ZNF618: variants seen among roughly 807,000 people sequenced by gnomAD.
The protein encoded by ZNF618 is neural precursor cell expressed, developmentally down-regulated 10.
ZNF618 carries 34 observed loss-of-function variants against 103.0 expected under a neutral mutation model. The observed-to-expected ratio is 0.33, with a 90% confidence interval of 0.25 to 0.44. The LOEUF (loss-of-function observed/expected upper bound fraction) is 0.44, where lower values mean the gene tolerates loss of function less well. Ranked by LOEUF, ZNF618 falls within the 20% of genes least tolerant of loss-of-function variation. The pLI is 1.00. For synonymous variants in ZNF618, 551 were observed against 542.2 expected, an observed-to-expected ratio of 1.02 and a Z score of -0.23; for missense variants, 1,059 against 1,295.4, an observed-to-expected ratio of 0.82 and a Z score of 2.80.
intron 1 of ZNF618, among the ~76,000 whole-genome samples, chr9:113,951,447 A>ATGTGTGTGTG (rs1301306957): frequency 1.7e-4 from 11 of 65,946 alleles, no homozygotes; most frequent in African/African-American, 1.8e-4. Context: ...ATATACATAT[A>ATGTGTGTGTG]TGTGTATATA....
rs1243371318 is a variant in ZNF618 at position 114,032,629 on chromosome 9, C to T, written c.1085-16C>T. ...AATCACCATTGTTTTCTTTCTCTCT[C>T]CTGTCCCCCACCCAGCAGAAAGCGC... On this transcript the variant is annotated splice_polypyrimidine_tract_variant and intron_variant, in intron 11 of 14. Transcript: ENST00000374126. The T allele has an allele frequency of 3.5e-5, 57 of 1,613,064 alleles. No homozygotes were observed. The highest frequency in any genetic ancestry group is 4.3e-5 in the Non-Finnish European group (51 of 1,179,148).
Position 113,896,604 on chromosome 9 carries a change from C to T in ZNF618, c.33+20191C>T, listed in dbSNP as rs563504899. Among the ~76,000 whole-genome samples the T allele has an allele frequency of 6.4e-4, 98 of 151,938 alleles. 1 individual carries two copies. Among genetic ancestry groups the T allele is most frequent in the South Asian group, 6.4e-3 (31 of 4,810 alleles). ...GCTTGTATTCACACATTACATAAGCCACTTTTATATATCATTGACTTTATT... is the reference window on the plus strand; with the variant it reads ...GCTTGTATTCACACATTACATAAGCTACTTTTATATATCATTGACTTTATT... On this transcript the variant is annotated intron_variant, in intron 1 of 14. Coordinates refer to ENST00000374126, the MANE Select transcript of ZNF618 (RefSeq NM_001318042.2).
intron 1 of ZNF618, among the ~76,000 whole-genome samples, chr9:113,889,776 C>T (rs1022430749): frequency 6.6e-6 from 1 of 152,206 alleles, no homozygotes; most frequent in Non-Finnish European, 1.5e-5. Context: ...ACCCTTCAGA[C>T]GTCTGTCCTT....
intron 1 of ZNF618, among the ~76,000 whole-genome samples, chr9:113,907,641 G>T (rs1831105730): frequency 6.6e-6 from 1 of 152,310 alleles, no homozygotes; most frequent in Middle Eastern, 3.4e-3. Context: ...TTTCCAGAGG[G>T]TTGTCCAGGA....
chr9:113,973,436 A>G (rs1470193591), intron 2 of ZNF618, among the ~76,000 whole-genome samples: 1 of 152,162 alleles, frequency 6.6e-6, no homozygotes, highest in Non-Finnish European at 1.5e-5. Flanking sequence ...CCCCAAAATC[A>G]ACAGCATGGG....
In ZNF618 at chr9:113,904,772, G is replaced by T. The variant is rs139730366; in HGVS notation, c.33+28359G>T. Among the ~76,000 whole-genome samples, 474 of 152,250 alleles carry T rather than the reference G, an allele frequency of 3.1e-3. 2 individuals carry two copies. Among genetic ancestry groups the T allele is most frequent in the African/African-American group, 0.011 (450 of 41,524 alleles). The stretch of plus-strand genomic sequence containing the variant: ...GGCTACCTACACTCTTTGGCCCATG[G>T]CTTCTTCATCTTCAAAGCTAGCAAC... On this transcript the variant is annotated intron_variant, in intron 1 of 14. Transcript: ENST00000374126.
intron 1 of ZNF618, among the ~76,000 whole-genome samples, chr9:113,968,067 A>G (rs1207479226): frequency 6.6e-6 from 1 of 152,206 alleles, no homozygotes; most frequent in African/African-American, 2.4e-5. Flanking sequence ...TTCATCCGCA[A>G]TCCTGAAATT....
At chr9:113,999,339 A>T (rs1840950630) in intron 4 of ZNF618, among the ~76,000 whole-genome samples, 1 of 149,572 alleles carries the variant, frequency 6.7e-6, no homozygotes, top group African/African-American at 2.5e-5. Flanking sequence ...AGCGAGGGGC[A>T]GGTGGGGCCC....
At chr9:113,952,817 G>A (rs1835901055) in intron 1 of ZNF618, among the ~76,000 whole-genome samples, 1 of 152,194 alleles carries the variant, frequency 6.6e-6, no homozygotes, top group Non-Finnish European at 1.5e-5. Context: ...TTCCAGACTT[G>A]CCATGCAGTT....
intron 1 of ZNF618, among the ~76,000 whole-genome samples, chr9:113,889,354 C>CCTCCCTCCCTCCCTCA (rs1829402762): frequency 8.4e-6 from 1 of 119,056 alleles, no homozygotes; most frequent in Admixed American, 1.1e-4. Context: ...TCTTTCTCTC[C>CCTCCCTCCCTCCCTCA]CTCCCTCTCC....
intron 3 of ZNF618, among the ~76,000 whole-genome samples, chr9:113,989,530 G>T (rs969578849): frequency 6.6e-6 from 1 of 152,052 alleles, no homozygotes; most frequent in Non-Finnish European, 1.5e-5. Context: ...GCCTTGCCTG[G>T]TCTGGCTCCA....
intron 3 of ZNF618, among the ~76,000 whole-genome samples, chr9:113,993,616 G>A (rs1840283884): frequency 6.6e-6 from 1 of 152,148 alleles, no homozygotes. Context: ...GTTTACTAAT[G>A]AGGGAGTCCA....
intron 13 of ZNF618, among the ~76,000 whole-genome samples, chr9:114,039,583 T>C (rs1391845740): frequency 3.3e-5 from 5 of 152,132 alleles, no homozygotes; most frequent in Non-Finnish European, 7.3e-5. Context: ...ACTCCTGGCC[T>C]CAAGTGATCC....
rs73658314 is a variant in ZNF618, at chr9:114,023,067, T to C, written c.845-5666T>C. Among the ~76,000 whole-genome samples, 890 of 152,246 alleles carry C rather than the reference T, an allele frequency of 5.8e-3. 6 individuals carry two copies. Among genetic ancestry groups the C allele is most frequent in the Middle Eastern group, 0.017 (5 of 294 alleles). Reference sequence around the variant, plus strand: ...TATATAGTTGGTTCTTATGCCTTTCTTTATCCAGTCTGGTAATCCCTGCCT... The same window carrying C: ...TATATAGTTGGTTCTTATGCCTTTCCTTATCCAGTCTGGTAATCCCTGCCT... On this transcript the variant is annotated intron_variant, in intron 10 of 14. Coordinates refer to ENST00000374126, the MANE Select transcript of ZNF618 (RefSeq NM_001318042.2).
At chr9:113,880,091 A>G (rs529590665) in intron 1 of ZNF618, among the ~76,000 whole-genome samples, 9 of 152,186 alleles carry the variant, frequency 5.9e-5, no homozygotes, top group Non-Finnish European at 1.3e-4. Context: ...AGCTCTTGGC[A>G]TGCTGCTTCC....
intron 1 of ZNF618, among the ~76,000 whole-genome samples, chr9:113,914,627 C>T (rs1196597975): frequency 6.6e-6 from 1 of 152,220 alleles, no homozygotes; most frequent in East Asian, 1.9e-4. Flanking sequence ...AGGAATCATT[C>T]TATTTTTAAG....
In ZNF618 at chr9:113,952,448, C is replaced by T. The variant is rs188783824; in HGVS notation, c.34-16669C>T. 7.2e-5 allele frequency among the ~76,000 whole-genome samples: 11 copies of T among 152,282 alleles called. No homozygotes were observed. The East Asian group carries it at 1.7e-3, about 24-fold the overall frequency. On this transcript the variant is annotated intron_variant, in intron 1 of 14. Transcript: ENST00000374126. ...TGACAGCCTCTCATGGGAAGCATAC[C>T]GCCTCAGGACTAACTCTGACTGTGA...
chr9:113,883,107 C>T (rs1263150315), intron 1 of ZNF618, among the ~76,000 whole-genome samples: 1 of 152,190 alleles, frequency 6.6e-6, no homozygotes, highest in Non-Finnish European at 1.5e-5. Context: ...GGAAATAGCT[C>T]AGATCAGTGG....
At chr9:114,034,369 C>T (rs1844391801) in intron 12 of ZNF618, among the ~76,000 whole-genome samples, 1 of 152,168 alleles carries the variant, frequency 6.6e-6, no homozygotes, top group Non-Finnish European at 1.5e-5. Flanking sequence ...AGCCATGCTG[C>T]ACCCCCATGC....
Sources: allele counts gnomAD v4.1 joint callset (sites outside exome capture counted in the v4.1 genomes callset), GRCh38; gene constraint gnomAD v4.1.1; transcripts MANE v1.5; gene names NCBI Gene and HGNC (gene_info 2026-07-23, HGNC 2026-07-21).